Variants in CLDN10 observed in about 807,000 individuals in gnomAD.
CLDN10 encodes the protein claudin-10.
Under a neutral mutation model 22.9 loss-of-function variants are expected in CLDN10, and 15 were observed. That is an observed-to-expected ratio of 0.65 (90% CI 0.44 to 1.01). The LOEUF (loss-of-function observed/expected upper bound fraction) is 1.01, where lower values mean the gene tolerates loss of function less well. Among genes scored for constraint, CLDN10 ranks in the 50% least tolerant of loss-of-function variants. CLDN10 has a pLI of 0.00. For synonymous variants in CLDN10, 114 were observed against 111.4 expected, an observed-to-expected ratio of 1.02 and a Z score of -0.15; for missense variants, 247 against 287.8, an observed-to-expected ratio of 0.86 and a Z score of 1.03.
At chr13:95,462,562 A>G (rs977196705) in intron 1 of CLDN10, among the ~76,000 whole-genome samples, 10 of 152,190 alleles carry the variant, frequency 6.6e-5, no homozygotes, top group African/African-American at 2.4e-4. Context: ...TCCCTTTACA[A>G]GGGTGGTTGG....
At chr13:95,531,995 C>G (rs184465682) in intron 1 of CLDN10, among the ~76,000 whole-genome samples, 105 of 152,012 alleles carry the variant, frequency 6.9e-4, no homozygotes, top group African/African-American at 2.4e-3. Context: ...TGATTCATAC[C>G]AAACAAACAA....
At chr13:95,478,504 C>A (rs937946744) in intron 1 of CLDN10, among the ~76,000 whole-genome samples, 1 of 152,120 alleles carries the variant, frequency 6.6e-6, no homozygotes, top group Non-Finnish European at 1.5e-5. Context: ...TGTACCAGGA[C>A]CAGAGAACAG....
intron 1 of CLDN10, among the ~76,000 whole-genome samples, chr13:95,501,336 A>G (rs1362041683): frequency 6.6e-6 from 1 of 151,872 alleles, no homozygotes; most frequent in African/African-American, 2.4e-5. Context: ...TTTTAGAGAT[A>G]GAGATCTCAC....
intron 1 of CLDN10, among the ~76,000 whole-genome samples, chr13:95,536,117 A>G (rs1314342602): frequency 2.6e-5 from 4 of 152,110 alleles, no homozygotes; most frequent in Non-Finnish European, 1.5e-5. Context: ...AAGAAGAAAA[A>G]TGAAGAATAT....
chr13:95,488,563 T>C (rs2042831824), intron 1 of CLDN10, among the ~76,000 whole-genome samples: 1 of 152,170 alleles, frequency 6.6e-6, no homozygotes, highest in Non-Finnish European at 1.5e-5. Context: ...ATCATTCTTA[T>C]GCCTTTGCAT....
At chr13:95,522,975 T>C (rs1026850993) in intron 1 of CLDN10, among the ~76,000 whole-genome samples, 1 of 151,952 alleles carries the variant, frequency 6.6e-6, no homozygotes, top group African/African-American at 2.4e-5. Flanking sequence ...TTGTTTTTTA[T>C]TTTTTATTCA....
chr13:95,522,112 T>C (rs1325262806), intron 1 of CLDN10, among the ~76,000 whole-genome samples: 1 of 151,992 alleles, frequency 6.6e-6, no homozygotes, highest in Non-Finnish European at 1.5e-5. Context: ...AAGAAACAAC[T>C]TTTAGCTTTC....
At chr13:95,439,921 T>TC (rs1380401910) in intron 1 of CLDN10, among the ~76,000 whole-genome samples, 1 of 149,282 alleles carries the variant, frequency 6.7e-6, no homozygotes, top group Non-Finnish European at 1.5e-5. Context: ...TATTAACCCT[T>TC]TTTTTTTTTT....
chr13:95,573,502 A>T (rs1371923900), intron 3 of CLDN10, among the ~76,000 whole-genome samples: 1 of 152,216 alleles, frequency 6.6e-6, no homozygotes, highest in East Asian at 1.9e-4. Flanking sequence ...AAATTTGGAT[A>T]ATCTTACCAA....
chr13:95,476,806 G>A (rs1429740977), intron 1 of CLDN10, among the ~76,000 whole-genome samples: 1 of 152,148 alleles, frequency 6.6e-6, no homozygotes, highest in Non-Finnish European at 1.5e-5. Context: ...AGTCTCGGGG[G>A]CACCTTCACA....
At chr13:95,560,718 G>A (rs1170249625) in intron 3 of CLDN10, 10 of 464,812 alleles carry the variant, frequency 2.2e-5, no homozygotes, top group Admixed American at 7.5e-5. Flanking sequence ...AAACTTCATC[G>A]TTTGCTGTAC....
chr13:95,436,184 T>C (rs1156601694), intron 1 of CLDN10, among the ~76,000 whole-genome samples: 1 of 152,122 alleles, frequency 6.6e-6, no homozygotes, highest in Non-Finnish European at 1.5e-5. Context: ...ACTTTCTTAT[T>C]TTTTATTTAT....
intron 1 of CLDN10, among the ~76,000 whole-genome samples, chr13:95,444,169 A>C (rs1023907445): frequency 6.6e-6 from 1 of 152,182 alleles, no homozygotes; most frequent in African/African-American, 2.4e-5. Context: ...ACTAAATTGC[A>C]TCCTAAAGGA....
chr13:95,449,136 T>C (rs993048846), intron 1 of CLDN10, among the ~76,000 whole-genome samples: 1 of 152,164 alleles, frequency 6.6e-6, no homozygotes, highest in Non-Finnish European at 1.5e-5. Context: ...ATTTCCCTCC[T>C]CCATTCCTTC....
intron 1 of CLDN10, among the ~76,000 whole-genome samples, chr13:95,538,673 T>C (rs1043699620): frequency 1.3e-5 from 2 of 152,298 alleles, no homozygotes; most frequent in Admixed American, 1.3e-4. Context: ...TCTTCTTCTA[T>C]AGGGTAGAGC....
At chr13:95,488,002 T>C (rs1186756647) in intron 1 of CLDN10, among the ~76,000 whole-genome samples, 7 of 151,602 alleles carry the variant, frequency 4.6e-5, no homozygotes, top group Admixed American at 4.6e-4. Flanking sequence ...TTCTCTTTTT[T>C]TGAGATGGAG....
intron 1 of CLDN10, among the ~76,000 whole-genome samples, chr13:95,470,864 T>C (rs7335718): frequency 0.012 from 1,847 of 152,208 alleles, 27 homozygotes; most frequent in African/African-American, 0.042. Flanking sequence ...TTTTGGGACC[T>C]GGAAAGTTAT....
rs1477958562 is a variant in CLDN10, at chr13:95,483,358, T to TA, written c.214+49311_214+49312insA. Among the ~76,000 whole-genome samples, 4 of 27,756 alleles carry TA rather than the reference T, an allele frequency of 1.4e-4. No individual in the cohort carries two copies. The East Asian group carries it at 3.8e-3, about 26-fold the overall frequency. The allele number at this position is 27,756 out of a possible 152,430, so 18.2% of individuals were successfully genotyped here. A position where few individuals can be genotyped will look rare whatever the true frequency, so the allele number is the denominator to read the frequency against. The stretch of plus-strand genomic sequence containing the variant: ...TCCTCCCCTCATTTCTCATCTCTAA[T>TA]TTTTTTTCTTTCTTTTTTATTAAAA... On this transcript the variant is annotated intron_variant, in intron 1 of 4. Coordinates refer to the CLDN10 transcript ENST00000376873.
chr13:95,536,695 G>C (rs2043403888), intron 1 of CLDN10, among the ~76,000 whole-genome samples: 1 of 152,104 alleles, frequency 6.6e-6, no homozygotes. Context: ...TCACCTTCTA[G>C]TTCTGTTAAT....
Sources: gnomAD v4.1 joint callset for allele counts (sites outside exome capture counted in the v4.1 genomes callset) on GRCh38, gnomAD v4.1.1 for gene constraint, MANE v1.5 for transcripts, NCBI Gene and HGNC (gene_info 2026-07-23, HGNC 2026-07-21) for gene names.